FKTN: variants seen among roughly 807,000 people sequenced by gnomAD.
The protein encoded by FKTN is fukutin, also known as ribitol-5-phosphate transferase FKTN.
Under a neutral mutation model 58.6 loss-of-function variants are expected in FKTN, and 47 were observed. The ratio of observed to expected loss-of-function variants is 0.80; its 90% CI spans 0.63 to 1.02. FKTN has a LOEUF of 1.02. Ranked by LOEUF, FKTN falls within the 50% of genes least tolerant of loss-of-function variation. The pLI is 0.00. For missense variants in FKTN, 516 were observed against 537.3 expected, an observed-to-expected ratio of 0.96 and a Z score of 0.39; for synonymous variants, 178 against 191.9, an observed-to-expected ratio of 0.93 and a Z score of 0.60.
intron 3 of FKTN, among the ~76,000 whole-genome samples, chr9:105,592,227 A>G (rs1845023566): frequency 6.6e-6 from 1 of 152,182 alleles, no homozygotes; most frequent in African/African-American, 2.4e-5. Context: ...TTTTCCAAAC[A>G]TGTATGCCCT....
At position 105,635,746 on chromosome 9, in the gene FKTN, TTCAAGTGA is replaced by T; in HGVS notation, c.*486_*493del. ...TAAGATTGTGGAGTCTGAGTTAATA[TTCAAGTGA>T]TCAGACTTTGAGTGACATCAAGAAA... On this transcript the variant is annotated 3_prime_UTR_variant, in exon 11 of 11. Transcript: ENST00000357998. The T allele has an allele frequency of 9.9e-7, 1 of 1,014,834 alleles. No homozygotes were observed. The highest frequency in any genetic ancestry group is 1.7e-5 in the African/African-American group (1 of 57,926). 62.9% of individuals were successfully genotyped at this position (1,014,834 alleles called of 1,614,324 possible).
At chr9:105,631,948 G>C (rs1365835526) in intron 10 of FKTN, among the ~76,000 whole-genome samples, 1 of 150,004 alleles carries the variant, frequency 6.7e-6, no homozygotes, top group African/African-American at 2.5e-5. Context: ...AAATCATGCT[G>C]CTATAAAGAC....
chr9:105,576,146 T>A (rs1469624186), intron 3 of FKTN, among the ~76,000 whole-genome samples: 1 of 88,960 alleles, frequency 1.1e-5, no homozygotes, highest in African/African-American at 5.5e-5. Context: ...GAAACTTTTC[T>A]TTTTTTTTTT....
At chr9:105,601,041 G>A (rs541424922) in intron 4 of FKTN, 104 bp from the exon 5 acceptor site, 5 of 711,612 alleles carry the variant, frequency 7.0e-6, no homozygotes, top group Admixed American at 4.3e-5. Context: ...GTATCTATTG[G>A]GTAACTACTC....
chr9:105,564,341 A>G lies in FKTN; in HGVS notation c.-181+6176A>G, dbSNP rs558408822. Among the ~76,000 whole-genome samples, 6 of 152,368 alleles carry G rather than the reference A, an allele frequency of 3.9e-5. No individual in the cohort carries two copies. The South Asian group carries it at 1.0e-3, about 26-fold the overall frequency. On this transcript the variant is annotated intron_variant, in intron 1 of 10. Transcript: ENST00000357998. ...GAGAGAAGAAGGCTTCAGACGATCA[A>G]ACTTCTCCGAGCTAAAGGAGGAAGT...
At chr9:105,633,664 A>G (rs979819829) in intron 10 of FKTN, among the ~76,000 whole-genome samples, 6 of 152,220 alleles carry the variant, frequency 3.9e-5, no homozygotes, top group African/African-American at 1.2e-4. Flanking sequence ...TTTTCACAGT[A>G]GCCAGCTGGG....
chr9:105,585,238 A>G (rs140785547), intron 3 of FKTN, among the ~76,000 whole-genome samples: 117 of 152,292 alleles, frequency 7.7e-4, no homozygotes, highest in African/African-American at 2.8e-3. Context: ...CAGCCTGGGC[A>G]ACATAGTAAG....
chr9:105,605,397 A>T (rs1189152732), intron 6 of FKTN, among the ~76,000 whole-genome samples: 1 of 152,214 alleles, frequency 6.6e-6, no homozygotes, highest in African/African-American at 2.4e-5. Context: ...ATAAATTATG[A>T]ACTAATCTTT....
In FKTN at chr9:105,637,761, T is replaced by G. The variant is rs534035669; in HGVS notation, c.*2497T>G. 4.2e-5 allele frequency: 41 copies of G among 985,260 alleles called. No homozygotes were observed. The East Asian group carries it at 1.5e-3, about 35-fold the overall frequency. The allele number at this position is 985,260 out of a possible 1,614,324, so 61.0% of individuals were successfully genotyped here. A position where few individuals can be genotyped will look rare whatever the true frequency, so the allele number is the denominator to read the frequency against. The stretch of plus-strand genomic sequence containing the variant: ...CCAGAGACATCCTGAGAGGCAAGAT[T>G]CCTCTTAATTGATAACCAGGACAAC... On this transcript the variant is annotated 3_prime_UTR_variant, in exon 11 of 11. Coordinates refer to ENST00000357998, the MANE Select transcript of FKTN (RefSeq NM_001079802.2).
chr9:105,637,590 C>T lies in FKTN; in HGVS notation c.*2326C>T. 1 of 985,346 alleles carries T rather than the reference C, an allele frequency of 1.0e-6. No homozygotes were observed. Among genetic ancestry groups the T allele is most frequent in the Non-Finnish European group, 1.2e-6 (1 of 829,878 alleles). 61.0% of individuals were successfully genotyped at this position (985,346 alleles called of 1,614,324 possible). On this transcript the variant is annotated 3_prime_UTR_variant, in exon 11 of 11. Transcript: ENST00000357998. The stretch of plus-strand genomic sequence containing the variant: ...GAGACCTTGGGTTAGGTATATCCAT[C>T]TTCAGTACCTCATTGGATCACTTTT...
chr9:105,635,177 G>C lies in FKTN; in HGVS notation c.1299G>C (p.Thr433=), dbSNP rs912930168. The C allele has an allele frequency of 6.2e-7, 1 of 1,614,218 alleles. No homozygotes were observed. Among genetic ancestry groups the C allele is most frequent in the South Asian group, 1.1e-5 (1 of 91,088 alleles). The change falls in exon 11 of 11, where the codon ACG becomes ACC. Residue 433 remains threonine, a synonymous_variant. Transcript: ENST00000357998. ...YGKTWKIPVK[T]WDWKRSPPNV... is the part of the protein sequence containing the mutation. The stretch of plus-strand genomic sequence containing the variant: ...AGACCTGGAAGATTCCTGTAAAGAC[G>C]TGGGACTGGAAGCGCTCTCCTCCCA...
intron 5 of FKTN, among the ~76,000 whole-genome samples, chr9:105,603,468 G>T (rs1387326733): frequency 6.6e-6 from 1 of 152,178 alleles, no homozygotes; most frequent in Non-Finnish European, 1.5e-5. Context: ...ATTTTAAGAT[G>T]TTGGGATGTA....
Position 105,640,286 on chromosome 9 carries a change from C to T in FKTN, c.*5022C>T. The T allele has an allele frequency of 4.2e-6, 4 of 942,962 alleles. No homozygotes were observed. The South Asian group carries it at 8.2e-5, about 19-fold the overall frequency. 58.4% of individuals were successfully genotyped at this position (942,962 alleles called of 1,614,324 possible). Reference sequence around the variant, plus strand: ...CCTGCTTCTTTTGGGTGCAGTGGCTCACACCTGTAATACCAGCAGTTTGAG... The same window carrying T: ...CCTGCTTCTTTTGGGTGCAGTGGCTTACACCTGTAATACCAGCAGTTTGAG... On this transcript the variant is annotated 3_prime_UTR_variant, in exon 11 of 11. Coordinates refer to ENST00000357998, the MANE Select transcript of FKTN (RefSeq NM_001079802.2).
chr9:105,592,132 T>C (rs917914482), intron 3 of FKTN, among the ~76,000 whole-genome samples: 11 of 152,244 alleles, frequency 7.2e-5, no homozygotes, highest in African/African-American at 1.9e-4. Context: ...CCCCATTTTC[T>C]TGGCGAATGC....
At chr9:105,586,973 A>T (rs930803084) in intron 3 of FKTN, among the ~76,000 whole-genome samples, 4 of 152,226 alleles carry the variant, frequency 2.6e-5, no homozygotes, top group Non-Finnish European at 5.9e-5. Context: ...GTATTTATTC[A>T]TACAGCTATT....
chr9:105,607,489 T>C (rs1829105412), intron 6 of FKTN, among the ~76,000 whole-genome samples: 1 of 152,094 alleles, frequency 6.6e-6, no homozygotes, highest in South Asian at 2.1e-4. Flanking sequence ...TGCTAATTGA[T>C]ATCTGACATA....
chr9:105,613,111 G>A (rs1251761683), intron 7 of FKTN, among the ~76,000 whole-genome samples: 2 of 152,164 alleles, frequency 1.3e-5, no homozygotes, highest in Non-Finnish European at 2.9e-5. Flanking sequence ...TTTCATATTT[G>A]CTGTTTAGTC....
At chr9:105,574,614 G>A (rs966433932) in intron 2 of FKTN, among the ~76,000 whole-genome samples, 8 of 151,938 alleles carry the variant, frequency 5.3e-5, no homozygotes, top group African/African-American at 1.9e-4. Context: ...GCATCATTTG[G>A]GAACTTGTCA....
At chr9:105,578,154 C>G (rs1170045659) in intron 3 of FKTN, among the ~76,000 whole-genome samples, 2 of 150,100 alleles carry the variant, frequency 1.3e-5, no homozygotes, top group African/African-American at 2.5e-5. Context: ...AATTGAATAC[C>G]CTTTATTTCC....
Sources: gnomAD v4.1 joint callset for allele counts (sites outside exome capture counted in the v4.1 genomes callset) on GRCh38, gnomAD v4.1.1 for gene constraint, MANE v1.5 for transcripts, NCBI Gene and HGNC (gene_info 2026-07-23, HGNC 2026-07-21) for gene names.